PRKD1: variants seen among roughly 807,000 people sequenced by gnomAD.
The protein encoded by PRKD1 is protein kinase D1, also known as serine/threonine-protein kinase D1.
A neutral mutation model predicts 95.9 loss-of-function variants in PRKD1; 63 were observed. The observed-to-expected ratio is 0.66, with a 90% CI of 0.54 to 0.81. The LOEUF (loss-of-function observed/expected upper bound fraction) is 0.81, where lower values mean the gene tolerates loss of function less well. Among genes scored for constraint, PRKD1 ranks in the 30% least tolerant of loss-of-function variants. The pLI is 0.00. For synonymous variants in PRKD1, 425 were observed against 423.1 expected, an observed-to-expected ratio of 1.00 and a Z score of -0.05; for missense variants, 1,048 against 1,165.3, an observed-to-expected ratio of 0.90 and a Z score of 1.47.
intron 1 of PRKD1, among the ~76,000 whole-genome samples, chr14:29,844,458 C>T (rs1349126775): frequency 1.3e-5 from 2 of 152,000 alleles, no homozygotes; most frequent in Admixed American, 6.6e-5. Context: ...ATGGTACATA[C>T]CCATGTTAAG....
chr14:29,750,165 T>G (rs1175260716), intron 1 of PRKD1, among the ~76,000 whole-genome samples: 2 of 152,166 alleles, frequency 1.3e-5, no homozygotes, highest in Non-Finnish European at 2.9e-5. Context: ...TTCATTCTAG[T>G]AAAGCAAATT....
intron 13 of PRKD1, among the ~76,000 whole-genome samples, chr14:29,617,656 T>C (rs1878957235): frequency 1.3e-5 from 2 of 152,330 alleles, no homozygotes; most frequent in South Asian, 4.1e-4. Flanking sequence ...AACCTTTATA[T>C]GCACTGTGAT....
intron 1 of PRKD1, among the ~76,000 whole-genome samples, chr14:29,912,648 C>A (rs960602938): frequency 6.6e-6 from 1 of 152,220 alleles, no homozygotes; most frequent in Non-Finnish European, 1.5e-5. Context: ...TTTTCTCTCT[C>A]TTATTTGCCT....
intron 2 of PRKD1, among the ~76,000 whole-genome samples, chr14:29,723,830 A>G (rs536211433): frequency 6.6e-6 from 1 of 152,202 alleles, no homozygotes; most frequent in Non-Finnish European, 1.5e-5. Flanking sequence ...AGAGTAAGGG[A>G]GCCCTTCTGG....
At chr14:29,750,300 T>C (rs1159082959) in intron 1 of PRKD1, among the ~76,000 whole-genome samples, 1 of 152,146 alleles carries the variant, frequency 6.6e-6, no homozygotes, top group African/African-American at 2.4e-5. Flanking sequence ...TTACGTAAAA[T>C]AATGTATAAC....
chr14:29,756,872 T>C lies in PRKD1; in HGVS notation c.265-31198A>G, dbSNP rs192438315. The stretch of plus-strand genomic sequence containing the variant: ...TCTTTCAGTTAGCTATTCTCAACTT[T>C]ATGAAAAGGGCAGAGTGACTGGGAC... On this transcript the variant is annotated intron_variant, in intron 1 of 17. Transcript: ENST00000331968. 2.0e-5 allele frequency among the ~76,000 whole-genome samples: 3 copies of C among 152,354 alleles called. No individual in the cohort carries two copies. In the East Asian group the frequency reaches 5.8e-4, roughly 29 times the overall value.
intron 1 of PRKD1, among the ~76,000 whole-genome samples, chr14:29,778,710 C>T (rs1888892202): frequency 6.6e-6 from 1 of 152,196 alleles, no homozygotes; most frequent in Admixed American, 6.5e-5. Context: ...ACCAGAGGTA[C>T]AAGGAGGAGC....
intron 1 of PRKD1, among the ~76,000 whole-genome samples, chr14:29,898,910 C>T (rs1894223770): frequency 6.6e-6 from 1 of 152,132 alleles, no homozygotes; most frequent in Admixed American, 6.5e-5. Flanking sequence ...TTTTAGAATA[C>T]AGAAGGCAGA....
rs1192237389 is a variant in PRKD1 at position 29,597,522 on chromosome 14, T to C, written c.2403A>G (p.Pro801=). The C allele has an allele frequency of 6.2e-7, 1 of 1,610,522 alleles. No individual in the cohort carries two copies. Among genetic ancestry groups the C allele is most frequent in the Non-Finnish European group, 8.5e-7 (1 of 1,176,986 alleles). ...DQIQNAAFMY[P]PNPWKEISHE... ...GAGATATTTCCTTCCAGGGATTTGG[T>C]GGATACATGAAAGCTGCATTCTGAA... is the stretch of plus-strand genomic sequence containing the variant. The change falls in exon 16 of 18, where the codon CCA becomes CCG. Residue 801 remains proline, a synonymous_variant. Transcript: ENST00000331968.
chr14:29,901,819 T>G (rs572923341), intron 1 of PRKD1, among the ~76,000 whole-genome samples: 16 of 152,156 alleles, frequency 1.1e-4, no homozygotes, highest in Non-Finnish European at 2.1e-4. Context: ...CAAACTCTGA[T>G]GTTAGGAAAA....
intron 2 of PRKD1, among the ~76,000 whole-genome samples, chr14:29,720,680 T>G (rs1376569050): frequency 6.6e-6 from 1 of 151,792 alleles, no homozygotes; most frequent in Non-Finnish European, 1.5e-5. Flanking sequence ...CTCCAGAGGC[T>G]GAGGCAGGAG....
chr14:29,755,753 T>G (rs1403717961), intron 1 of PRKD1, among the ~76,000 whole-genome samples: 1 of 152,202 alleles, frequency 6.6e-6, no homozygotes, highest in Non-Finnish European at 1.5e-5. Flanking sequence ...TGCCTTGATA[T>G]CAGAAGAACC....
intron 1 of PRKD1, among the ~76,000 whole-genome samples, chr14:29,741,885 A>G (rs45597636): frequency 4.6e-4 from 70 of 152,046 alleles, no homozygotes; most frequent in Middle Eastern, 6.8e-3. Flanking sequence ...TCTTTGATTA[A>G]TATTATGACA....
chr14:29,638,356 T>C, intron 6 of PRKD1, 133 bp downstream of exon 6: 1 of 806,748 alleles, frequency 1.2e-6, no homozygotes, highest in East Asian at 2.6e-5. Context: ...GAACAAACAC[T>C]GGCCATAATT....
At chr14:29,675,831 G>A (rs1276161223) in intron 2 of PRKD1, among the ~76,000 whole-genome samples, 1 of 152,004 alleles carries the variant, frequency 6.6e-6, no homozygotes, top group African/African-American at 2.4e-5. Context: ...CCTTTGCAGG[G>A]ACATGGATGA....
chr14:29,711,639 C>G (rs747623167), intron 2 of PRKD1, among the ~76,000 whole-genome samples: 8 of 152,082 alleles, frequency 5.3e-5, no homozygotes, highest in Non-Finnish European at 1.2e-4. Flanking sequence ...CAAAACGTAT[C>G]AATCATGAAC....
chr14:29,735,602 ATT>A (rs2139420966), intron 1 of PRKD1, among the ~76,000 whole-genome samples: 1 of 152,346 alleles, frequency 6.6e-6, no homozygotes, highest in Non-Finnish European at 1.5e-5. Context: ...TGTGTTGTCA[ATT>A]TGCTTGTGTG....
At chr14:29,846,737 T>C (rs1298527299) in intron 1 of PRKD1, among the ~76,000 whole-genome samples, 2 of 152,192 alleles carry the variant, frequency 1.3e-5, no homozygotes, top group Admixed American at 6.5e-5. Context: ...CAGAGACCAG[T>C]TAGCTGGTTG....
intron 1 of PRKD1, among the ~76,000 whole-genome samples, chr14:29,861,170 A>G (rs992936924): frequency 6.6e-6 from 1 of 152,204 alleles, no homozygotes; most frequent in African/African-American, 2.4e-5. Flanking sequence ...TCTTAAACTG[A>G]ATATAACTTA....
Sources: allele counts gnomAD v4.1 joint callset (sites outside exome capture counted in the v4.1 genomes callset), GRCh38; gene constraint gnomAD v4.1.1; transcripts MANE v1.5; gene names NCBI Gene and HGNC (gene_info 2026-07-23, HGNC 2026-07-21).